ATP11B: variants seen among roughly 807,000 people sequenced by gnomAD.
The protein encoded by ATP11B is phospholipid-transporting ATPase IF.
In ATP11B, 81 loss-of-function variants were observed where a neutral mutation model predicts 157.8. That is an observed-to-expected ratio of 0.51 (90% CI 0.43 to 0.62). The LOEUF (loss-of-function observed/expected upper bound fraction) is 0.62. Among genes scored for constraint, ATP11B ranks in the 20% least tolerant of loss-of-function variants. The pLI is 0.00. For missense variants in ATP11B, 1,165 were observed against 1,402.2 expected (o/e 0.83, Z 2.70); for synonymous variants, 451 against 469.4 (o/e 0.96, Z 0.51).
At chr3:182,911,683 C>T (rs1160904279) in intron 28 of ATP11B, among the ~76,000 whole-genome samples, 1 of 148,998 alleles carries the variant, frequency 6.7e-6, no homozygotes, top group African/African-American at 2.6e-5. Context: ...CTTGTCCTCT[C>T]TCCCACCTTC....
chr3:182,836,324 C>A lies in ATP11B; in HGVS notation c.424-18C>A, dbSNP rs770450324. Reference sequence around the variant, plus strand: ...TTTTAAAATTTATAAATTCACTCTTCCCCAAAATTCTTTATAGGTGGGTGA... The same window carrying A: ...TTTTAAAATTTATAAATTCACTCTTACCCAAAATTCTTTATAGGTGGGTGA... On this transcript the variant is annotated intron_variant, in intron 5 of 29. Coordinates refer to ENST00000323116, the MANE Select transcript of ATP11B (RefSeq NM_014616.3). The A allele has an allele frequency of 1.9e-6, 3 of 1,612,484 alleles. No individual in the cohort carries two copies. In the East Asian group the frequency reaches 6.7e-5, roughly 36 times the overall value.
chr3:182,836,155 T>A lies in ATP11B; in HGVS notation c.423+13T>A. ...AAAAAACATTCGGGTATGCATCTGG[T>A]AAATAATGGAAATCAACTTTATCTT... is the stretch of plus-strand genomic sequence containing the variant. On this transcript the variant is annotated intron_variant, in intron 5 of 29. Transcript: ENST00000323116. 6.2e-7 allele frequency: 1 copy of A among 1,604,310 alleles called. No individual in the cohort carries two copies. Among genetic ancestry groups the A allele is most frequent in the Non-Finnish European group, 8.5e-7 (1 of 1,172,982 alleles).
intron 1 of ATP11B, among the ~76,000 whole-genome samples, chr3:182,795,095 C>G (rs1715519104): frequency 6.6e-6 from 1 of 151,804 alleles, no homozygotes; most frequent in South Asian, 2.1e-4. Context: ...AATGTTGGGT[C>G]TCTGTTTTTA....
At chr3:182,817,057 A>G (rs1717008596) in intron 1 of ATP11B, among the ~76,000 whole-genome samples, 1 of 152,174 alleles carries the variant, frequency 6.6e-6, no homozygotes, top group African/African-American at 2.4e-5. Flanking sequence ...CGTGCCCACA[A>G]ATGCAGGCCA....
In ATP11B at chr3:182,897,291, A is replaced by C. The variant is rs1490907447; in HGVS notation, c.3049-12A>C. On this transcript the variant is annotated splice_polypyrimidine_tract_variant and intron_variant, in intron 26 of 29. Transcript: ENST00000323116. ...TGTTTATATTTCTAAGGATATAAAA[A>C]CTTTTTTTTAGATGGCTCTGGAAAC... 2 of 1,506,454 alleles carry C rather than the reference A, an allele frequency of 1.3e-6. No individual in the cohort carries two copies. Among genetic ancestry groups the C allele is most frequent in the South Asian group, 2.6e-5 (2 of 77,960 alleles). 93.3% of individuals were successfully genotyped at this position (1,506,454 alleles called of 1,614,324 possible). A position where few individuals can be genotyped will look rare whatever the true frequency, so the allele number is the denominator to read the frequency against.
In ATP11B at chr3:182,866,313, A is replaced by G; in HGVS notation, c.1489A>G (p.Thr497Ala). The part of the protein sequence containing the change: ...LFFKAVSLCH[T>A]VQISNVQTDC... ...CTTTAAAGCAGTCAGTCTCTGTCAC[A>G]CTGTACAGATTAGCAATGTTCAAAC... The change falls in exon 14 of 30, where the codon ACT becomes GCT. Residue 497 changes from threonine (T) to alanine (A), a missense_variant. Around this residue, in one of 4 missense-constraint regions of ATP11B, gnomAD observed 737 missense variants for 930.5 expected, o/e 0.79. Transcript: ENST00000323116. 1 of 1,611,694 alleles carries G rather than the reference A, an allele frequency of 6.2e-7. No homozygotes were observed. Among genetic ancestry groups the G allele is most frequent in the Non-Finnish European group, 8.5e-7 (1 of 1,178,444 alleles).
chr3:182,890,850 C>T (rs1289810618), intron 25 of ATP11B, among the ~76,000 whole-genome samples: 2 of 152,138 alleles, frequency 1.3e-5, no homozygotes, highest in African/African-American at 4.8e-5. Flanking sequence ...CCTAAGTTCA[C>T]ACAGTAAGCA....
At chr3:182,892,296 C>A (rs1723231318) in intron 25 of ATP11B, among the ~76,000 whole-genome samples, 1 of 152,232 alleles carries the variant, frequency 6.6e-6, no homozygotes, top group Non-Finnish European at 1.5e-5. Context: ...TGCTAAAAAT[C>A]CTTTTAGACA....
At chr3:182,896,627 A>G in intron 25 of ATP11B, 73 bp from the exon 26 acceptor site, 1 of 1,276,312 alleles carries the variant, frequency 7.8e-7, no homozygotes, top group Non-Finnish European at 1.1e-6. Context: ...TTTAGTAGAG[A>G]ATTAAATGAC....
At position 182,869,061 on chromosome 3, in the gene ATP11B, T is replaced by TA. The variant is rs1721454144; in HGVS notation, c.1689-16dup. Reference sequence around the variant, plus strand: ...AAAAAAGTAAAGTTTTTGTCTTTCTTACTTTCTTTTGTTTAGGTACAAACT... The same window carrying TA: ...AAAAAAGTAAAGTTTTTGTCTTTCTTAACTTTCTTTTGTTTAGGTACAAACT... On this transcript the variant is annotated splice_polypyrimidine_tract_variant and intron_variant, in intron 15 of 29. Coordinates refer to ENST00000323116, the MANE Select transcript of ATP11B (RefSeq NM_014616.3). 1 of 1,559,060 alleles carries TA rather than the reference T, an allele frequency of 6.4e-7. No individual in the cohort carries two copies. Among genetic ancestry groups the TA allele is most frequent in the Non-Finnish European group, 8.7e-7 (1 of 1,147,606 alleles).
intron 2 of ATP11B, among the ~76,000 whole-genome samples, chr3:182,823,188 C>A (rs981713116): frequency 1.3e-5 from 2 of 152,152 alleles, no homozygotes; most frequent in African/African-American, 4.8e-5. Flanking sequence ...AAGTCCTTGC[C>A]CATGCCTGTG....
In ATP11B at chr3:182,920,893, C is replaced by A. The variant is rs921562688; in HGVS notation, c.*2789C>A. The stretch of plus-strand genomic sequence containing the variant: ...TCATAATACACAAAGGCTTCCAGAC[C>A]TGAGCCACACCCAGGCCCTATCCTG... On this transcript the variant is annotated 3_prime_UTR_variant, in exon 30 of 30. Transcript: ENST00000323116. 6.6e-6 allele frequency: 1 copy of A among 152,244 alleles called. No homozygotes were observed. Among genetic ancestry groups the A allele is most frequent in the Non-Finnish European group, 1.5e-5 (1 of 68,066 alleles). 9.4% of individuals were successfully genotyped at this position (152,244 alleles called of 1,614,324 possible).
At chr3:182,894,963 C>CA (rs11402392) in intron 25 of ATP11B, among the ~76,000 whole-genome samples, 42,213 of 140,988 alleles carry the variant, frequency 0.3, 6,385 homozygotes, top group East Asian at 0.56. Context: ...GTAAAAAATA[C>CA]AAAAAAAAAA....
intron 18 of ATP11B, among the ~76,000 whole-genome samples, chr3:182,873,394 G>A (rs897192428): frequency 6.6e-6 from 1 of 152,092 alleles, no homozygotes; most frequent in Admixed American, 6.6e-5. Context: ...AAGTTAGCTA[G>A]ACCTTTATTT....
intron 7 of ATP11B, among the ~76,000 whole-genome samples, chr3:182,841,810 C>G (rs1330177189): frequency 2.0e-5 from 3 of 149,228 alleles, no homozygotes; most frequent in Non-Finnish European, 2.9e-5. Context: ...AACCCTGTCT[C>G]TACTGAAAAT....
chr3:182,882,547 A>G (rs867756393), intron 21 of ATP11B, among the ~76,000 whole-genome samples: 18 of 152,070 alleles, frequency 1.2e-4, no homozygotes, highest in Admixed American at 1.0e-3. Flanking sequence ...TATTATTTGT[A>G]ACAAAACAAA....
intron 11 of ATP11B, 30 bp downstream of exon 11, chr3:182,858,058 A>G (rs2108532648): frequency 6.3e-7 from 1 of 1,581,944 alleles, no homozygotes; most frequent in Non-Finnish European, 8.7e-7. Flanking sequence ...ACTGTGTCAT[A>G]AAGGAAACTA....
At chr3:182,822,207 G>A (rs940500429) in intron 2 of ATP11B, among the ~76,000 whole-genome samples, 1 of 151,610 alleles carries the variant, frequency 6.6e-6, no homozygotes, top group Admixed American at 6.6e-5. Context: ...CCATATTGGT[G>A]TGCTTCACCC....
At chr3:182,822,027 A>G (rs1717387136) in intron 2 of ATP11B, among the ~76,000 whole-genome samples, 1 of 151,866 alleles carries the variant, frequency 6.6e-6, no homozygotes, top group Non-Finnish European at 1.5e-5. Context: ...CTCGTTTTGG[A>G]TGATGGTTCT....
Sources: gnomAD v4.1 joint callset for allele counts (sites outside exome capture counted in the v4.1 genomes callset) on GRCh38, gnomAD v4.1.1 for gene constraint, gnomAD v4.1.1 regional missense constraint, MANE v1.5 for transcripts, NCBI Gene and HGNC (gene_info 2026-07-23, HGNC 2026-07-21) for gene names.